The following RBFOX1 variants were observed in gnomAD, a reference collection of about 807,000 sequenced individuals.
RBFOX1 encodes the protein RNA binding protein fox-1 homolog 1.
In RBFOX1, 8 loss-of-function variants were observed where a neutral mutation model predicts 57.7. That is an observed-to-expected ratio of 0.14 (90% confidence interval 0.08 to 0.25). The LOEUF (loss-of-function observed/expected upper bound fraction) is 0.25. Among genes scored for constraint, RBFOX1 ranks in the 10% least tolerant of loss-of-function variants. RBFOX1 has a pLI of 1.00. For missense variants in RBFOX1, 611 were observed against 548.5 expected (o/e 1.11, Z -1.14); for synonymous variants, 326 against 222.4 (o/e 1.47, Z -4.15).
chr16:6,682,854 G>T (rs1387981261), intron 3 of RBFOX1, among the ~76,000 whole-genome samples: 4 of 102,266 alleles, frequency 3.9e-5, no homozygotes, highest in African/African-American at 1.6e-4. Context: ...GAACATTTTT[G>T]AAAAAAGAAA....
intron 1 of RBFOX1, among the ~76,000 whole-genome samples, chr16:5,339,242 A>G (rs1415307252): frequency 6.6e-6 from 1 of 152,010 alleles, no homozygotes; most frequent in Non-Finnish European, 1.5e-5. Flanking sequence ...CCACATATCC[A>G]TGATATTCCA....
intron 1 of RBFOX1, among the ~76,000 whole-genome samples, chr16:6,278,602 G>A (rs900009780): frequency 1.3e-5 from 2 of 151,500 alleles, no homozygotes; most frequent in Admixed American, 1.3e-4. Flanking sequence ...AGATTATCGT[G>A]GGTCTCTACA....
chr16:5,843,503 C>T (rs1293522171), intron 3 of RBFOX1, among the ~76,000 whole-genome samples: 1 of 152,144 alleles, frequency 6.6e-6, no homozygotes, highest in Non-Finnish European at 1.5e-5. Context: ...TCCATGGATA[C>T]ATGGAACATT....
At chr16:6,200,295 C>A (rs951838297) in intron 1 of RBFOX1, among the ~76,000 whole-genome samples, 21 of 152,154 alleles carry the variant, frequency 1.4e-4, no homozygotes, top group Non-Finnish European at 2.5e-4. Flanking sequence ...TCCCTTTCCT[C>A]AAGCCTTTTG....
At chr16:7,185,903 A>G (rs2083636856) in intron 4 of RBFOX1, among the ~76,000 whole-genome samples, 1 of 152,140 alleles carries the variant, frequency 6.6e-6, no homozygotes, top group African/African-American at 2.4e-5. Context: ...TTGAGCAATG[A>G]TACAATTCCC....
At chr16:6,419,015 G>T (rs1567230656) in intron 2 of RBFOX1, among the ~76,000 whole-genome samples, 1 of 152,196 alleles carries the variant, frequency 6.6e-6, no homozygotes, top group Non-Finnish European at 1.5e-5. Context: ...ACCATTTGCA[G>T]ACTTTTCACT....
intron 3 of RBFOX1, among the ~76,000 whole-genome samples, chr16:5,784,629 C>T (rs1330838724): frequency 1.3e-5 from 2 of 152,188 alleles, no homozygotes; most frequent in African/African-American, 2.4e-5. Flanking sequence ...GCCCCACCTC[C>T]AGCCCTGTTG....
intron 3 of RBFOX1, among the ~76,000 whole-genome samples, chr16:6,969,865 A>C (rs1022727197): frequency 6.6e-6 from 1 of 152,104 alleles, no homozygotes; most frequent in East Asian, 1.9e-4. Context: ...GAACCATTGT[A>C]CTAATTGATG....
intron 2 of RBFOX1, among the ~76,000 whole-genome samples, chr16:6,621,745 G>A (rs1283798252): frequency 6.6e-6 from 1 of 152,160 alleles, no homozygotes; most frequent in Non-Finnish European, 1.5e-5. Context: ...CTGACTCACA[G>A]ATCAACCTTT....
intron 4 of RBFOX1, among the ~76,000 whole-genome samples, chr16:7,218,556 G>A (rs897860125): frequency 2.0e-5 from 3 of 151,956 alleles, no homozygotes; most frequent in Non-Finnish European, 2.9e-5. Context: ...AGCTGAGAAA[G>A]AGGTAAAAAG....
intron 14 of RBFOX1, among the ~76,000 whole-genome samples, chr16:7,683,735 C>T (rs952590622): frequency 6.6e-6 from 1 of 152,188 alleles, no homozygotes; most frequent in Admixed American, 6.6e-5. Context: ...CAGAACCCTT[C>T]AGCTGTGAAG....
rs74003861 is a variant in RBFOX1, at chr16:5,300,237, C to G, written c.219+60132C>G. Among the ~76,000 whole-genome samples, 1,016 of 152,194 alleles carry G rather than the reference C, an allele frequency of 6.7e-3. 11 individuals carry two copies. The highest frequency in any genetic ancestry group is 0.023 in the African/African-American group (937 of 41,516). Reference sequence around the variant, plus strand: ...TATTAAAGATTTTTGCATTAACTTTCATGAAGGGTATTGATGTATTTTTTC... The same window carrying G: ...TATTAAAGATTTTTGCATTAACTTTGATGAAGGGTATTGATGTATTTTTTC... On this transcript the variant is annotated intron_variant, in intron 1 of 2. Coordinates refer to the RBFOX1 transcript ENST00000585867.
chr16:5,252,802 C>T (rs971965748), intron 1 of RBFOX1, among the ~76,000 whole-genome samples: 1 of 152,338 alleles, frequency 6.6e-6, no homozygotes, highest in African/African-American at 2.4e-5. Flanking sequence ...CTGCAAGGGG[C>T]CTGCAGATGA....
intron 1 of RBFOX1, among the ~76,000 whole-genome samples, chr16:6,226,717 G>A (rs2097421118): frequency 6.6e-6 from 1 of 152,074 alleles, no homozygotes; most frequent in Non-Finnish European, 1.5e-5. Context: ...CCATTATCTT[G>A]CTGGCTGTAG....
At chr16:5,338,065 T>C (rs769421885) in intron 1 of RBFOX1, among the ~76,000 whole-genome samples, 1 of 152,000 alleles carries the variant, frequency 6.6e-6, no homozygotes, top group Non-Finnish European at 1.5e-5. Flanking sequence ...AGAAAATAAT[T>C]TATAGCTTTC....
chr16:6,480,043 C>G (rs988267997), intron 2 of RBFOX1, among the ~76,000 whole-genome samples: 1 of 130,186 alleles, frequency 7.7e-6, no homozygotes, highest in South Asian at 2.7e-4. Context: ...GAGCAAGACT[C>G]CACCTCGAAA....
intron 4 of RBFOX1, among the ~76,000 whole-genome samples, chr16:5,888,063 C>A (rs1180040490): frequency 6.6e-6 from 1 of 152,200 alleles, no homozygotes; most frequent in East Asian, 1.9e-4. Context: ...AGACTGCCCT[C>A]CTGCAAGATT....
At chr16:6,798,602 A>G (rs1603626070) in intron 3 of RBFOX1, among the ~76,000 whole-genome samples, 1 of 152,200 alleles carries the variant, frequency 6.6e-6, no homozygotes, top group East Asian at 1.9e-4. Context: ...AGACACATAT[A>G]TCTGTGCTTT....
chr16:6,561,158 G>C (rs151180866), intron 2 of RBFOX1, among the ~76,000 whole-genome samples: 48 of 152,216 alleles, frequency 3.2e-4, no homozygotes, highest in African/African-American at 1.1e-3. Context: ...AGTCTGGAAG[G>C]CTTCCCTCCT....
Sources: allele counts gnomAD v4.1 joint callset (sites outside exome capture counted in the v4.1 genomes callset), GRCh38; gene constraint gnomAD v4.1.1; transcripts MANE v1.5; gene names NCBI Gene and HGNC (gene_info 2026-07-23, HGNC 2026-07-21).